The following NELL1 variants were observed in gnomAD, a reference collection of about 807,000 sequenced individuals.
NELL1 encodes protein kinase C-binding protein NELL1.
A neutral mutation model predicts 107.4 loss-of-function variants in NELL1; 76 were observed. The ratio of observed to expected loss-of-function variants is 0.71; its 90% CI spans 0.59 to 0.86. The LOEUF (loss-of-function observed/expected upper bound fraction) is 0.86, where lower values mean the gene tolerates loss of function less well. NELL1 is among the 40% of genes least tolerant of loss of function. The probability of loss-of-function intolerance (pLI) is 0.00; values close to 1 mark genes in which losing one functional copy is unlikely to be tolerated. For missense variants in NELL1, 1,024 were observed against 1,005.5 expected, an observed-to-expected ratio of 1.02 and a Z score of -0.25; for synonymous variants, 353 against 341.2, an observed-to-expected ratio of 1.03 and a Z score of -0.38.
At chr11:20,706,943 A>G (rs1854977757) in intron 2 of NELL1, among the ~76,000 whole-genome samples, 1 of 152,136 alleles carries the variant, frequency 6.6e-6, no homozygotes, top group Non-Finnish European at 1.5e-5. Flanking sequence ...AGGTTGGGGA[A>G]GTTCTCCTGA....
At chr11:20,822,757 C>T (rs1350219909) in intron 3 of NELL1, among the ~76,000 whole-genome samples, 1 of 152,010 alleles carries the variant, frequency 6.6e-6, no homozygotes, top group Non-Finnish European at 1.5e-5. Context: ...ACAGTGGTTA[C>T]CAGTGCAGGA....
At chr11:21,574,452 A>G (rs1456916656) in intron 19 of NELL1, among the ~76,000 whole-genome samples, 2 of 151,798 alleles carry the variant, frequency 1.3e-5, no homozygotes, top group Non-Finnish European at 2.9e-5. Context: ...ACATTAGTAC[A>G]TAAAATTTTT....
intron 13 of NELL1, among the ~76,000 whole-genome samples, chr11:21,205,387 C>G (rs780115495): frequency 6.6e-6 from 1 of 152,206 alleles, no homozygotes; most frequent in Non-Finnish European, 1.5e-5. Context: ...CCAGTTGGAA[C>G]TTCCCTGCGG....
At chr11:21,414,673 T>C (rs1328551694) in intron 15 of NELL1, among the ~76,000 whole-genome samples, 2 of 152,100 alleles carry the variant, frequency 1.3e-5, no homozygotes, top group African/African-American at 4.8e-5. Context: ...TTTCTTCTGA[T>C]TATGATTTTC....
chr11:20,690,843 G>A (rs1476177613), intron 2 of NELL1, among the ~76,000 whole-genome samples: 1 of 150,290 alleles, frequency 6.7e-6, no homozygotes, highest in Non-Finnish European at 1.5e-5. Context: ...GCTTGATGGG[G>A]ATGGCATTGA....
intron 15 of NELL1, among the ~76,000 whole-genome samples, chr11:21,511,247 C>G (rs1047109971): frequency 3.8e-4 from 58 of 152,228 alleles, no homozygotes; most frequent in African/African-American, 1.3e-3. Context: ...CTCTTTACTT[C>G]CTGTAATAAT....
intron 12 of NELL1, among the ~76,000 whole-genome samples, chr11:21,089,925 T>A (rs1364763820): frequency 6.6e-6 from 1 of 152,096 alleles, no homozygotes; most frequent in Non-Finnish European, 1.5e-5. Context: ...GTGCTTTTAT[T>A]GTGGTTAGGC....
intron 15 of NELL1, among the ~76,000 whole-genome samples, chr11:21,522,447 TAAAC>T (rs1401679709): frequency 6.6e-6 from 1 of 152,174 alleles, no homozygotes; most frequent in Non-Finnish European, 1.5e-5. Context: ...TGTCCTAAGT[TAAAC>T]AAGTCAGACA....
intron 15 of NELL1, among the ~76,000 whole-genome samples, chr11:21,453,304 G>T (rs1349029503): frequency 6.6e-6 from 1 of 151,842 alleles, no homozygotes; most frequent in Non-Finnish European, 1.5e-5. Flanking sequence ...ATGTACATGT[G>T]CATTTAGGAT....
At position 21,488,553 on chromosome 11, in the gene NELL1, G is replaced by A. The variant is rs1032075223; in HGVS notation, c.1646-45821G>A. Among the ~76,000 whole-genome samples, 3 of 152,226 alleles carry A rather than the reference G, an allele frequency of 2.0e-5. No homozygotes were observed. The East Asian group carries it at 5.8e-4, about 29-fold the overall frequency. The stretch of plus-strand genomic sequence containing the variant: ...GTTTTGCTGAGGACTAGGATACCAG[G>A]TGGGCCAGTCTTCGGGTCCCTGTGG... On this transcript the variant is annotated intron_variant, in intron 15 of 19. Coordinates refer to ENST00000357134, the MANE Select transcript of NELL1 (RefSeq NM_006157.5).
intron 14 of NELL1, among the ~76,000 whole-genome samples, chr11:21,318,255 G>A (rs1219411594): frequency 6.6e-6 from 1 of 152,068 alleles, no homozygotes; most frequent in Non-Finnish European, 1.5e-5. Context: ...ACCTGACATT[G>A]GTGTGCAGAG....
chr11:20,925,078 A>G (rs1359801697), intron 7 of NELL1, among the ~76,000 whole-genome samples: 1 of 152,200 alleles, frequency 6.6e-6, no homozygotes, highest in Non-Finnish European at 1.5e-5. Flanking sequence ...CGTTATATGC[A>G]AACTATACTA....
chr11:21,270,198 TG>T (rs1848713535), intron 14 of NELL1, among the ~76,000 whole-genome samples: 1 of 152,068 alleles, frequency 6.6e-6, no homozygotes, highest in South Asian at 2.1e-4. Context: ...TAGTGTCACT[TG>T]TGTCAACAAT....
chr11:20,951,161 T>G (rs1590454425), intron 11 of NELL1, among the ~76,000 whole-genome samples: 1 of 152,246 alleles, frequency 6.6e-6, no homozygotes, highest in Admixed American at 6.5e-5. Context: ...GTCATTGTCA[T>G]GTTAATGAAT....
intron 12 of NELL1, among the ~76,000 whole-genome samples, chr11:20,995,540 T>C (rs968313651): frequency 2.0e-5 from 3 of 152,002 alleles, no homozygotes; most frequent in African/African-American, 7.3e-5. Context: ...ATCGCACCAC[T>C]GCACTCCAGC....
intron 9 of NELL1, among the ~76,000 whole-genome samples, chr11:20,933,140 AAG>A (rs1846737970): frequency 1.3e-5 from 2 of 152,338 alleles, no homozygotes; most frequent in South Asian, 4.1e-4. Flanking sequence ...CTACTGCATC[AAG>A]AGAGCTGGAG....
In NELL1 at chr11:21,517,453, C is replaced by A. The variant is rs970676095; in HGVS notation, c.1646-16921C>A. On this transcript the variant is annotated intron_variant, in intron 15 of 19. Transcript: ENST00000357134. ...TTTTTGGAGCTACATAATAGCTGTTCCCCTTGGGCAGAACATGTACGCTCT... is the reference window on the plus strand; with the variant it reads ...TTTTTGGAGCTACATAATAGCTGTTACCCTTGGGCAGAACATGTACGCTCT... Among the ~76,000 whole-genome samples the A allele has an allele frequency of 5.3e-5, 8 of 152,246 alleles. No individual in the cohort carries two copies. In the South Asian group the frequency reaches 8.3e-4, roughly 16 times the overall value.
rs76556236 is a variant in NELL1 at position 21,498,168 on chromosome 11, G to A, written c.1646-36206G>A. The stretch of plus-strand genomic sequence containing the variant: ...CCAAAATTATTTTTACTAATAATTG[G>A]AATATTGTAGATTTGAATAAAATCT... On this transcript the variant is annotated intron_variant, in intron 15 of 19. Coordinates refer to ENST00000357134, the MANE Select transcript of NELL1 (RefSeq NM_006157.5). Among the ~76,000 whole-genome samples, 2,413 of 151,350 alleles carry A rather than the reference G, an allele frequency of 0.016. 189 individuals are homozygous for A. The East Asian group carries it at 0.26, about 16-fold the overall frequency.
chr11:20,927,390 G>A lies in NELL1; in HGVS notation c.842G>A (p.Arg281Gln), dbSNP rs140129150. 63 of 1,613,380 alleles carry A rather than the reference G, an allele frequency of 3.9e-5. No homozygotes were observed. Among genetic ancestry groups the A allele is most frequent in the Non-Finnish European group, 5.3e-5 (62 of 1,179,716 alleles). ...TGTCAAGTGAGTGGACTGCTCTATC[G>A]AGATCAAGACTCTTGGGTAGATGGT... ...KTCQVSGLLYRDQDSWVDGDH... is the reference protein window; with the variant it reads ...KTCQVSGLLYQDQDSWVDGDH... Residue 281 changes from arginine (R) to glutamine (Q), a missense_variant, in exon 8 of 20, where the codon CGA becomes CAA. Coordinates refer to ENST00000357134, the MANE Select transcript of NELL1 (RefSeq NM_006157.5).
Sources: gnomAD v4.1 joint callset for allele counts (sites outside exome capture counted in the v4.1 genomes callset) on GRCh38, gnomAD v4.1.1 for gene constraint, MANE v1.5 for transcripts, NCBI Gene and HGNC (gene_info 2026-07-23, HGNC 2026-07-21) for gene names.